CFAP36: variants seen among roughly 807,000 people sequenced by gnomAD.
The protein encoded by CFAP36 is cilia and flagella associated protein 36, also known as cilia- and flagella-associated protein 36.
In CFAP36, 37 loss-of-function variants were observed where a neutral mutation model predicts 50.5. That is an observed-to-expected ratio of 0.73 (90% CI 0.56 to 0.96). The LOEUF is 0.96. CFAP36 is among the 50% of genes least tolerant of loss of function. CFAP36 has a pLI of 0.00. For synonymous variants in CFAP36, 138 were observed against 128.2 expected (o/e 1.08, Z -0.52); for missense variants, 407 against 396.2 (o/e 1.03, Z -0.23).
In CFAP36 at chr2:55,537,579, C is replaced by G. The variant is rs1376562212; in HGVS notation, c.634C>G (p.Pro212Ala). 9 of 1,607,604 alleles carry G rather than the reference C, an allele frequency of 5.6e-6. No individual in the cohort carries two copies. Among genetic ancestry groups the G allele is most frequent in the Non-Finnish European group, 7.7e-6 (9 of 1,175,570 alleles). ...GGATGGTGAACATTTTGCACACCCA[C>G]CCTCAGGTAAGGTTGAGGTGTACTG... Reference protein sequence around the residue: ...QGDGEHFAHPPSEVKMHFANQ... With the variant: ...QGDGEHFAHPASEVKMHFANQ... The change falls in exon 7 of 10, where the codon CCC becomes GCC. Residue 212 changes from proline to alanine, a missense_variant. Coordinates refer to ENST00000349456, the MANE Select transcript of CFAP36 (RefSeq NM_080667.7).
intron 5 of CFAP36, 32 bp downstream of exon 5, chr2:55,533,992 C>T (rs1684418058): frequency 3.9e-6 from 5 of 1,286,824 alleles, no homozygotes; most frequent in Non-Finnish European, 5.6e-6. Context: ...TTAAATGAAT[C>T]ATTATTAATA....
At chr2:55,543,492 A>AAAAT (rs1442270235) in intron 7 of CFAP36, among the ~76,000 whole-genome samples, 19 of 152,366 alleles carry the variant, frequency 1.2e-4, no homozygotes, top group African/African-American at 4.6e-4. Flanking sequence ...TGCAATACAA[A>AAAAT]AAATTATAGT....
Position 55,533,139 on chromosome 2 carries a change from A to G in CFAP36, c.398-734A>G, listed in dbSNP as rs373878969. 1.1e-4 allele frequency among the ~76,000 whole-genome samples: 16 copies of G among 152,358 alleles called. No homozygotes were observed. In the East Asian group the frequency reaches 2.1e-3, roughly 20 times the overall value. On this transcript the variant is annotated intron_variant, in intron 4 of 9. Transcript: ENST00000349456. ...AATGAAGACTTTTAATGCTATTTCA[A>G]TTAGCAAAATTATATTTTGTTTTGT... is the stretch of plus-strand genomic sequence containing the variant.
intron 3 of CFAP36, among the ~76,000 whole-genome samples, chr2:55,524,449 T>G (rs1235963392): frequency 1.2e-5 from 1 of 80,218 alleles, no homozygotes; most frequent in Non-Finnish European, 2.5e-5. Flanking sequence ...TTTTTTTTTG[T>G]AGAGACAGGG....
At chr2:55,543,749 G>A (rs1008418086) in intron 7 of CFAP36, among the ~76,000 whole-genome samples, 189 bp from the exon 8 acceptor site, 3 of 152,150 alleles carry the variant, frequency 2.0e-5, no homozygotes, top group Non-Finnish European at 4.4e-5. Flanking sequence ...AGCTCCTTAA[G>A]GATAGAGACA....
intron 6 of CFAP36, among the ~76,000 whole-genome samples, chr2:55,536,450 TTTTA>T (rs1217111470): frequency 2.0e-5 from 3 of 151,386 alleles, no homozygotes; most frequent in African/African-American, 4.9e-5. Context: ...TTTTATACTC[TTTTA>T]TTTATTTATT....
chr2:55,538,041 A>G (rs1242764802), intron 7 of CFAP36, among the ~76,000 whole-genome samples: 1 of 152,254 alleles, frequency 6.6e-6, no homozygotes, highest in Non-Finnish European at 1.5e-5. Context: ...GTCAGAAATC[A>G]TATCTTTGAA....
At position 55,541,402 on chromosome 2, in the gene CFAP36, G is replaced by A. The variant is rs56289822; in HGVS notation, c.641-2536G>A. Among the ~76,000 whole-genome samples, 245 of 152,242 alleles carry A rather than the reference G, an allele frequency of 1.6e-3. 2 individuals carry two copies. In the Middle Eastern group the frequency reaches 0.024, roughly 15 times the overall value. On this transcript the variant is annotated intron_variant, in intron 7 of 9. Coordinates refer to ENST00000349456, the MANE Select transcript of CFAP36 (RefSeq NM_080667.7). ...TGATTTCTTTCATTAGAATTTTGTA[G>A]TTTTCCTCATATAGATCTTGTGCAT... is the stretch of plus-strand genomic sequence containing the variant.
intron 1 of CFAP36, among the ~76,000 whole-genome samples, chr2:55,521,461 A>G (rs1173561727): frequency 6.6e-6 from 1 of 152,112 alleles, no homozygotes; most frequent in Non-Finnish European, 1.5e-5. Flanking sequence ...TAACAATAAT[A>G]TTACATTAAA....
Position 55,544,076 on chromosome 2 carries a change from T to A in CFAP36, c.777+2T>A. ...GCGAGCATTGAAGGACCAATAGCAG[T>A]AAGTAAACGACATCACTTAAGAACT... On this transcript the variant is annotated splice_donor_variant, in intron 8 of 9. Coordinates refer to ENST00000349456, the MANE Select transcript of CFAP36 (RefSeq NM_080667.7). LOFTEE classifies it high-confidence loss of function. 1 of 1,613,294 alleles carries A rather than the reference T, an allele frequency of 6.2e-7. No individual in the cohort carries two copies.
Position 55,523,881 on chromosome 2 carries a change from A to G in CFAP36, c.282+59A>G. The G allele has an allele frequency of 3.8e-6, 4 of 1,043,028 alleles. 1 individual carries two copies. The highest frequency in any genetic ancestry group is 4.6e-5 in the Admixed American group (2 of 43,156). 64.6% of individuals were successfully genotyped at this position (1,043,028 alleles called of 1,614,324 possible). ...TTTTAACAAATGCCCAGGGTTAAAC[A>G]CTCACTTAAATTTGAATGTTTGATT... On this transcript the variant is annotated intron_variant, in intron 3 of 9. Coordinates refer to ENST00000349456, the MANE Select transcript of CFAP36 (RefSeq NM_080667.7).
chr2:55,523,178 G>A lies in CFAP36; in HGVS notation c.181-543G>A, dbSNP rs575473559. Among the ~76,000 whole-genome samples, 15 of 151,382 alleles carry A rather than the reference G, an allele frequency of 9.9e-5. No individual in the cohort carries two copies. In the South Asian group the frequency reaches 2.3e-3, roughly 23 times the overall value. ...ATAATCCCAGCACTTTGGGAGGCCA[G>A]GGCAGGCGGATCACCTGAGGTCAGG... On this transcript the variant is annotated intron_variant, in intron 2 of 9. Transcript: ENST00000349456.
In CFAP36 at chr2:55,523,727, A is replaced by C. The variant is rs1173985032; in HGVS notation, c.187A>C (p.Lys63Gln). ...IHQEYKELVE[K>Q]LLEGYLKEIG... The stretch of plus-strand genomic sequence containing the variant: ...TTAAACTTTGTTTTTTTAGGTTGAA[A>C]AGCTGTTAGAAGGTTACCTCAAAGA... Residue 63 changes from lysine to glutamine, a missense_variant, in exon 3 of 10, where the codon AAG becomes CAG. Transcript: ENST00000349456. 3.8e-6 allele frequency: 6 copies of C among 1,589,138 alleles called. No homozygotes were observed. The South Asian group carries it at 6.9e-5, about 18-fold the overall frequency.
At chr2:55,528,849 T>C in intron 3 of CFAP36, 29 bp from the exon 4 acceptor site, 2 of 1,407,040 alleles carry the variant, frequency 1.4e-6, no homozygotes, top group Non-Finnish European at 2.0e-6. Flanking sequence ...AACTTGAATC[T>C]TCATTTCACT....
intron 4 of CFAP36, among the ~76,000 whole-genome samples, chr2:55,533,483 G>A (rs947717862): frequency 6.6e-6 from 1 of 151,948 alleles, no homozygotes; most frequent in African/African-American, 2.4e-5. Flanking sequence ...GGGGGCAGAT[G>A]ACTTGAGGTC....
intron 5 of CFAP36, among the ~76,000 whole-genome samples, chr2:55,535,440 C>T (rs17792710): frequency 0.051 from 7,834 of 152,250 alleles, 300 homozygotes; most frequent in Non-Finnish European, 0.079. Context: ...GATTTCAAAT[C>T]TGTTGATCTT....
intron 1 of CFAP36, among the ~76,000 whole-genome samples, chr2:55,521,241 T>C (rs1684054966): frequency 1.3e-5 from 2 of 151,460 alleles, no homozygotes. Context: ...TGTCGCTCTG[T>C]TGCCCAGGCT....
intron 7 of CFAP36, 83 bp from the exon 8 acceptor site, chr2:55,543,855 T>G: frequency 7.8e-7 from 1 of 1,289,468 alleles, no homozygotes; most frequent in Non-Finnish European, 1.1e-6. Flanking sequence ...TTATTAACAT[T>G]AGCTCATTTC....
intron 7 of CFAP36, 102 bp downstream of exon 7, chr2:55,537,687 G>A: frequency 2.6e-6 from 2 of 771,414 alleles, no homozygotes; most frequent in Non-Finnish European, 4.1e-6. Flanking sequence ...AAAGCCCTGG[G>A]AGGGAGTATT....
Sources: gnomAD v4.1 joint callset for allele counts (sites outside exome capture counted in the v4.1 genomes callset) on GRCh38, gnomAD v4.1.1 for gene constraint, MANE v1.5 for transcripts, NCBI Gene and HGNC (gene_info 2026-07-23, HGNC 2026-07-21) for gene names.